CLIP1: variants seen among roughly 807,000 people sequenced by gnomAD.
CLIP1 encodes the protein CAP-Gly domain containing linker protein 1.
CLIP1 carries 66 observed loss-of-function variants against 161.6 expected under a neutral mutation model. The observed-to-expected ratio is 0.41, with a 90% CI of 0.33 to 0.50. The LOEUF (loss-of-function observed/expected upper bound fraction) is 0.50. CLIP1 is among the 20% of genes least tolerant of loss of function. The pLI is 0.27. For missense variants in CLIP1, 1,376 were observed against 1,702.0 expected, an observed-to-expected ratio of 0.81 and a Z score of 3.37; for synonymous variants, 598 against 626.2, an observed-to-expected ratio of 0.96 and a Z score of 0.67.
chr12:122,405,220 C>T (rs1379536891), intron 1 of CLIP1, among the ~76,000 whole-genome samples: 2 of 151,184 alleles, frequency 1.3e-5, no homozygotes, highest in African/African-American at 4.9e-5. Context: ...GACGTTCTGT[C>T]ACTGCTGCAT....
At chr12:122,309,925 G>A (rs761161609) in intron 19 of CLIP1, 43 bp from the exon 20 acceptor site, 1 of 1,608,196 alleles carries the variant, frequency 6.2e-7, no homozygotes, top group Non-Finnish European at 8.5e-7. Flanking sequence ...AAACAAGACA[G>A]GCAAGGAAAC....
At chr12:122,403,491 CTTGTT>C (rs1238071793) in intron 1 of CLIP1, among the ~76,000 whole-genome samples, 2 of 82,052 alleles carry the variant, frequency 2.4e-5, no homozygotes, top group African/African-American at 3.8e-5. Flanking sequence ...GACATCATTT[CTTGTT>C]TTGTTTTTTT....
At position 122,312,707 on chromosome 12, in the gene CLIP1, T is replaced by C. The variant is rs192545090; in HGVS notation, c.3474-2825A>G. On this transcript the variant is annotated intron_variant, in intron 19 of 25. Transcript: ENST00000620786. ...TAAACCCGGGAGGTGGTGGCTGCAG[T>C]GAGCTGAGACTGCTGCCACTGTACT... Among the ~76,000 whole-genome samples the C allele has an allele frequency of 8.9e-3, 1,359 of 152,172 alleles. 22 individuals carry two copies. Among genetic ancestry groups the C allele is most frequent in the South Asian group, 0.061 (294 of 4,830 alleles).
intron 1 of CLIP1, among the ~76,000 whole-genome samples, chr12:122,383,354 G>A (rs771969801): frequency 1.3e-5 from 2 of 152,198 alleles, no homozygotes; most frequent in Non-Finnish European, 2.9e-5. Context: ...ACGGCCACAA[G>A]ACCTAACAAG....
chr12:122,341,772 T>C (rs1437926482), intron 10 of CLIP1, 75 bp from the exon 11 acceptor site: 13 of 538,542 alleles, frequency 2.4e-5, no homozygotes, highest in African/African-American at 1.3e-4. Flanking sequence ...CTTTTTTTTT[T>C]TTTTTTTTTT....
intron 4 of CLIP1, among the ~76,000 whole-genome samples, chr12:122,363,017 C>CT (rs1385780890): frequency 2.0e-5 from 3 of 152,126 alleles, no homozygotes; most frequent in Non-Finnish European, 4.4e-5. Context: ...ACCAATTTGT[C>CT]TGTTTTATAA....
chr12:122,417,549 G>T (rs1162019988), intron 1 of CLIP1, among the ~76,000 whole-genome samples: 1 of 129,540 alleles, frequency 7.7e-6, no homozygotes, highest in Non-Finnish European at 1.6e-5. Context: ...GTCTCGCTCT[G>T]TCGCCCAGGC....
intron 1 of CLIP1, among the ~76,000 whole-genome samples, chr12:122,394,212 G>A (rs571338352): frequency 7.5e-4 from 114 of 152,218 alleles, no homozygotes; most frequent in African/African-American, 2.6e-3. Context: ...AAAAGGGGCC[G>A]GGCGTGGTGG....
chr12:122,301,215 G>A (rs1950663873), intron 20 of CLIP1, among the ~76,000 whole-genome samples: 1 of 152,138 alleles, frequency 6.6e-6, no homozygotes, highest in African/African-American at 2.4e-5. Flanking sequence ...GCCTGAACAG[G>A]AATAGGGTCT....
chr12:122,414,676 G>A (rs1028015571), intron 1 of CLIP1, among the ~76,000 whole-genome samples: 3 of 151,754 alleles, frequency 2.0e-5, no homozygotes, highest in Middle Eastern at 3.2e-3. Context: ...ATGTTGGCCA[G>A]GATGGTCTTG....
Position 122,377,973 on chromosome 12 carries a change from G to A in CLIP1, c.86-13C>T. 6 of 1,565,566 alleles carry A rather than the reference G, an allele frequency of 3.8e-6. No homozygotes were observed. In the South Asian group the frequency reaches 7.3e-5, roughly 19 times the overall value. ...ACTGGAGCTACAACTGAAAACAAAA[G>A]ATCATAAGAGATTCGATTTAATTTT... On this transcript the variant is annotated splice_polypyrimidine_tract_variant and intron_variant, in intron 2 of 25. Coordinates refer to ENST00000620786, the MANE Select transcript of CLIP1 (RefSeq NM_001247997.2).
chr12:122,375,148 A>G (rs191808426), intron 3 of CLIP1, among the ~76,000 whole-genome samples: 69 of 152,184 alleles, frequency 4.5e-4, no homozygotes, highest in Non-Finnish European at 8.2e-4. Flanking sequence ...TAGCACTATG[A>G]TACGCTGCCC....
chr12:122,334,083 T>A lies in CLIP1; in HGVS notation c.2654A>T (p.Glu885Val). 1 of 1,612,426 alleles carries A rather than the reference T, an allele frequency of 6.2e-7. No individual in the cohort carries two copies. Among genetic ancestry groups the A allele is most frequent in the Non-Finnish European group, 8.5e-7 (1 of 1,178,464 alleles). ...AGAAGACAGCATGTTAAACTGTTCCTCCTTTTGGTGTAACTTATTTACAGT... is the reference window on the plus strand; with the variant it reads ...AGAAGACAGCATGTTAAACTGTTCCACCTTTTGGTGTAACTTATTTACAGT... ...QETVNKLHQK[E>V]EQFNMLSSDL... The change falls in exon 14 of 26, where the codon GAG becomes GTG. Residue 885 changes from glutamate to valine, a missense_variant. By Grantham distance (121) the Glu-to-Val change is moderately radical. Around this residue, in one of 6 missense-constraint regions of CLIP1, gnomAD observed 948 missense variants for 1,134.8 expected, o/e 0.84. Coordinates refer to ENST00000620786, the MANE Select transcript of CLIP1 (RefSeq NM_001247997.2).
At position 122,360,410 on chromosome 12, in the gene CLIP1, CAAAAAAA is replaced by C. The variant is rs34294939; in HGVS notation, c.1005+542_1005+548del. Among the ~76,000 whole-genome samples, 5 of 87,346 alleles carry C rather than the reference CAAAAAAA, an allele frequency of 5.7e-5. No homozygotes were observed. The East Asian group carries it at 9.5e-4, about 17-fold the overall frequency. 57.3% of individuals were successfully genotyped at this position (87,346 alleles called of 152,430 possible). A position where few individuals can be genotyped will look rare whatever the true frequency, so the allele number is the denominator to read the frequency against. ...GCAACACAGTGGGTCCCTCTCTCTACAAAAAAAAAAAAAAAAAAAAAATTAAATTAAC... is the reference window on the plus strand; with the variant it reads ...GCAACACAGTGGGTCCCTCTCTCTACAAAAAAAAAAAAAAATTAAATTAAC... On this transcript the variant is annotated intron_variant, in intron 5 of 25. Transcript: ENST00000620786.
rs572244417 is a variant in CLIP1, at chr12:122,349,144, G to T, written c.1402-1665C>A. Among the ~76,000 whole-genome samples, 5 of 152,290 alleles carry T rather than the reference G, an allele frequency of 3.3e-5. No homozygotes were observed. The South Asian group carries it at 1.0e-3, about 32-fold the overall frequency. On this transcript the variant is annotated intron_variant, in intron 9 of 25. Transcript: ENST00000620786. The stretch of plus-strand genomic sequence containing the variant: ...CAATTTCCCTGCTTTTATAAGAAAA[G>T]AATCTAATCCTTATCTACATAATTG...
chr12:122,283,833 G>A (rs1425375850), intron 21 of CLIP1, among the ~76,000 whole-genome samples: 1 of 152,168 alleles, frequency 6.6e-6, no homozygotes, highest in Non-Finnish European at 1.5e-5. Context: ...TGGCCATAGT[G>A]ATTCTATTAC....
chr12:122,306,965 C>A (rs1239255617), intron 20 of CLIP1, among the ~76,000 whole-genome samples: 1 of 151,094 alleles, frequency 6.6e-6, no homozygotes, highest in Non-Finnish European at 1.5e-5. Context: ...CTCAGCTCCT[C>A]CACTGCCTAT....
chr12:122,348,124 G>A (rs185665210), intron 9 of CLIP1, among the ~76,000 whole-genome samples: 2 of 152,276 alleles, frequency 1.3e-5, no homozygotes, highest in Middle Eastern at 3.4e-3. Context: ...GCAGAAATGG[G>A]TGAGAAGGGT....
rs771456403 is a variant in CLIP1 at position 122,341,185 on chromosome 12, T to G, written c.2019A>C (p.Glu673Asp). 1.2e-6 allele frequency: 2 copies of G among 1,614,196 alleles called. No individual in the cohort carries two copies. The highest frequency in any genetic ancestry group is 2.2e-5 in the South Asian group (2 of 91,084). ...CTTGTTGATTCTGCAAATTTTCTAT[T>G]TCGTGTTGGTAATCTAGTCTCATTT... Reference protein sequence around the residue: ...IEKMRLDYQHEIENLQNQQDS... With the variant: ...IEKMRLDYQHDIENLQNQQDS... Residue 673 changes from glutamate to aspartate, a missense_variant, in exon 11 of 26, where the codon GAA becomes GAC. Coordinates refer to ENST00000620786, the MANE Select transcript of CLIP1 (RefSeq NM_001247997.2).
Sources: allele counts gnomAD v4.1 joint callset (sites outside exome capture counted in the v4.1 genomes callset), GRCh38; gene constraint gnomAD v4.1.1; regional missense constraint gnomAD v4.1.1; transcripts MANE v1.5; gene names NCBI Gene and HGNC (gene_info 2026-07-23, HGNC 2026-07-21).